Variants in ARPC1A observed in about 807,000 individuals in gnomAD.
The protein encoded by ARPC1A is actin related protein 2/3 complex subunit 1A.
ARPC1A carries 8 observed loss-of-function variants against 46.9 expected under a neutral mutation model. The ratio of observed to expected loss-of-function variants is 0.17; its 90% CI spans 0.10 to 0.31. The LOEUF (loss-of-function observed/expected upper bound fraction) is 0.31. Among genes scored for constraint, ARPC1A ranks in the 10% least tolerant of loss-of-function variants. The probability of loss-of-function intolerance (pLI) is 1.00; values close to 1 mark genes in which losing one functional copy is unlikely to be tolerated. For missense variants in ARPC1A, 286 were observed against 483.6 expected (o/e 0.59, Z 3.83); for synonymous variants, 152 against 169.0 (o/e 0.90, Z 0.78).
At chr7:99,328,182 C>A (rs1793081924) in intron 1 of ARPC1A, among the ~76,000 whole-genome samples, 1 of 152,044 alleles carries the variant, frequency 6.6e-6, no homozygotes, top group African/African-American at 2.4e-5. Context: ...CCAGCCTGAC[C>A]AACATGGAGA....
intron 1 of ARPC1A, among the ~76,000 whole-genome samples, chr7:99,330,286 AC>A (rs1793124412): frequency 6.6e-6 from 1 of 151,750 alleles, no homozygotes; most frequent in East Asian, 1.9e-4. Flanking sequence ...AGTTGCACTT[AC>A]CTTTGGGTTC....
intron 1 of ARPC1A, among the ~76,000 whole-genome samples, chr7:99,328,693 C>G (rs1006888785): frequency 6.6e-6 from 1 of 152,038 alleles, no homozygotes; most frequent in Non-Finnish European, 1.5e-5. Flanking sequence ...CTCATGCTTG[C>G]AATCTTAACA....
chr7:99,345,518 A>C (rs373489389), intron 4 of ARPC1A, among the ~76,000 whole-genome samples: 1 of 152,124 alleles, frequency 6.6e-6, no homozygotes, highest in Non-Finnish European at 1.5e-5. Context: ...AAAATTAGCC[A>C]GGCACAGTGG....
chr7:99,337,854 A>C (rs1184591477), intron 2 of ARPC1A, among the ~76,000 whole-genome samples: 2 of 152,192 alleles, frequency 1.3e-5, no homozygotes, highest in East Asian at 3.8e-4. Context: ...GAAACTGTCA[A>C]ACATTTTTAC....
At chr7:99,326,492 G>C (rs1793049751) in intron 1 of ARPC1A, among the ~76,000 whole-genome samples, 1 of 152,162 alleles carries the variant, frequency 6.6e-6, no homozygotes, top group Non-Finnish European at 1.5e-5. Context: ...ACCTTCTCCC[G>C]AGTTCTTTTA....
At chr7:99,333,526 C>T in intron 2 of ARPC1A, 109 bp downstream of exon 2, 1 of 928,308 alleles carries the variant, frequency 1.1e-6, no homozygotes. Flanking sequence ...AAAGAACATA[C>T]ATCTATTATA....
At chr7:99,360,874 G>C (rs1793727293) in intron 8 of ARPC1A, among the ~76,000 whole-genome samples, 2 of 149,820 alleles carry the variant, frequency 1.3e-5, no homozygotes, top group South Asian at 4.2e-4. Context: ...CGGGCAGGTG[G>C]AGGTTGCAGT....
At chr7:99,364,268 CT>C (rs1226720404) in intron 9 of ARPC1A, among the ~76,000 whole-genome samples, 14,634 of 117,338 alleles carry the variant, frequency 0.12, 1,449 homozygotes, top group African/African-American at 0.33. Context: ...AGATCTCTCT[CT>C]TTTTTTTTTT....
chr7:99,359,929 C>T (rs941467069), intron 8 of ARPC1A, 191 bp downstream of exon 8: 5 of 658,144 alleles, frequency 7.6e-6, no homozygotes, highest in African/African-American at 5.4e-5. Context: ...GGGAGGGAGT[C>T]GCCACCACCT....
At chr7:99,344,640 C>T (rs1339190720) in intron 4 of ARPC1A, 125 bp downstream of exon 4, 2 of 1,017,812 alleles carry the variant, frequency 2.0e-6, no homozygotes, top group Non-Finnish European at 2.8e-6. Context: ...CTGAAATTCT[C>T]GATTCTGTCT....
At chr7:99,350,982 C>T (rs1200523662) in intron 5 of ARPC1A, among the ~76,000 whole-genome samples, 1 of 151,354 alleles carries the variant, frequency 6.6e-6, no homozygotes, top group Non-Finnish European at 1.5e-5. Context: ...GGAGAATTCC[C>T]AGAAAACCAG....
chr7:99,366,088 G>T lies in ARPC1A; in HGVS notation c.*159G>T. 4.4e-6 allele frequency: 4 copies of T among 913,566 alleles called. No homozygotes were observed. Among genetic ancestry groups the T allele is most frequent in the South Asian group, 3.6e-5 (2 of 55,980 alleles). The allele number at this position is 913,566 out of a possible 1,614,324, so 56.6% of individuals were successfully genotyped here. ...TGAATATAAAATTGGTGAAAGTGTTGGTTTTTTTAAGGCAGTAATTTTTTT... is the reference window on the plus strand; with the variant it reads ...TGAATATAAAATTGGTGAAAGTGTTTGTTTTTTTAAGGCAGTAATTTTTTT... On this transcript the variant is annotated 3_prime_UTR_variant, in exon 10 of 10. Coordinates refer to ENST00000262942, the MANE Select transcript of ARPC1A (RefSeq NM_006409.4).
At chr7:99,333,962 C>A (rs1446375881) in intron 2 of ARPC1A, among the ~76,000 whole-genome samples, 2 of 150,908 alleles carry the variant, frequency 1.3e-5, no homozygotes, top group Non-Finnish European at 2.9e-5. Flanking sequence ...CATGGGGAAA[C>A]CCTGTCTCTA....
At chr7:99,337,085 G>A (rs568654078) in intron 2 of ARPC1A, among the ~76,000 whole-genome samples, 75 of 151,996 alleles carry the variant, frequency 4.9e-4, no homozygotes, top group Non-Finnish European at 9.0e-4. Context: ...CTGGACTTAC[G>A]ATTTGGGGAT....
intron 5 of ARPC1A, among the ~76,000 whole-genome samples, chr7:99,352,019 G>A (rs1326793211): frequency 2.0e-5 from 3 of 152,084 alleles, no homozygotes; most frequent in African/African-American, 2.4e-5. Context: ...TGGGCCTGAG[G>A]GTCCAGGGAG....
chr7:99,351,652 T>A (rs1793544362), intron 5 of ARPC1A, among the ~76,000 whole-genome samples: 1 of 152,170 alleles, frequency 6.6e-6, no homozygotes. Context: ...GTTTCTACTG[T>A]CTCGTCATAT....
chr7:99,344,959 T>G (rs148890659), intron 4 of ARPC1A, among the ~76,000 whole-genome samples: 1 of 120,998 alleles, frequency 8.3e-6, no homozygotes, highest in Non-Finnish European at 1.6e-5. Context: ...TGAGACAGAG[T>G]CTTACTCTGT....
chr7:99,356,520 G>C (rs184571422), intron 6 of ARPC1A, among the ~76,000 whole-genome samples: 38 of 151,380 alleles, frequency 2.5e-4, no homozygotes, highest in Admixed American at 2.4e-3. Flanking sequence ...CAGGAGAATT[G>C]CTTGAACCCA....
chr7:99,331,469 A>C (rs1793143005), intron 1 of ARPC1A, among the ~76,000 whole-genome samples: 1 of 151,902 alleles, frequency 6.6e-6, no homozygotes, highest in South Asian at 2.1e-4. Context: ...ACACTTCATC[A>C]TTATCTTTGT....
Sources: gnomAD v4.1 joint callset for allele counts (sites outside exome capture counted in the v4.1 genomes callset) on GRCh38, gnomAD v4.1.1 for gene constraint, MANE v1.5 for transcripts, NCBI Gene and HGNC (gene_info 2026-07-23, HGNC 2026-07-21) for gene names.